The following ZNF675 variants were observed in gnomAD, a reference collection of about 807,000 sequenced individuals.
The protein encoded by ZNF675 is TRAF6 inhibitory zinc finger.
Under a neutral mutation model 56.1 loss-of-function variants are expected in ZNF675, and 36 were observed. That is an observed-to-expected ratio of 0.64 (90% confidence interval 0.49 to 0.85). The LOEUF is 0.85. Among genes scored for constraint, ZNF675 ranks in the 40% least tolerant of loss-of-function variants. The pLI is 0.00. For synonymous variants in ZNF675, 200 were observed against 218.9 expected, an observed-to-expected ratio of 0.91 and a Z score of 0.76; for missense variants, 663 against 654.2, an observed-to-expected ratio of 1.01 and a Z score of -0.15.
At chr19:23,673,373 C>T (rs950332314) in intron 1 of ZNF675, among the ~76,000 whole-genome samples, 1 of 152,142 alleles carries the variant, frequency 6.6e-6, no homozygotes, top group Non-Finnish European at 1.5e-5. Context: ...AGTTTCAGGT[C>T]TGAAGATACA....
chr19:23,667,675 C>T (rs1023531980), intron 1 of ZNF675, among the ~76,000 whole-genome samples: 2 of 148,530 alleles, frequency 1.3e-5, no homozygotes, highest in African/African-American at 5.0e-5. Flanking sequence ...TACAGAGTGT[C>T]AATTGGTGCA....
At chr19:23,656,062 C>T (rs888405503) in intron 3 of ZNF675, 2 of 65,538 alleles carry the variant, frequency 3.1e-5, no homozygotes, top group Non-Finnish European at 7.0e-5. Context: ...TGCACTCCAG[C>T]CTGAGTGACA....
At chr19:23,678,559 A>T (rs1968331864) in intron 1 of ZNF675, among the ~76,000 whole-genome samples, 1 of 96,176 alleles carries the variant, frequency 1.0e-5, no homozygotes, top group South Asian at 4.8e-4. Flanking sequence ...CCTCAAAAAT[A>T]TTCTTAACTT....
intron 1 of ZNF675, among the ~76,000 whole-genome samples, chr19:23,681,822 T>C (rs1269818735): frequency 7.3e-5 from 11 of 151,572 alleles, no homozygotes; most frequent in Non-Finnish European, 2.9e-5. Flanking sequence ...TGTAGTTATC[T>C]TTACCAGTTT....
intron 1 of ZNF675, among the ~76,000 whole-genome samples, chr19:23,666,935 A>G (rs1447993501): frequency 2.0e-5 from 3 of 151,850 alleles, no homozygotes; most frequent in Admixed American, 6.6e-5. Context: ...TCTGAGTCCT[A>G]TTGTTTTTGT....
At chr19:23,676,140 T>C (rs1968291691) in intron 1 of ZNF675, among the ~76,000 whole-genome samples, 1 of 151,474 alleles carries the variant, frequency 6.6e-6, no homozygotes, top group African/African-American at 2.4e-5. Flanking sequence ...ACCTCCTCCC[T>C]AGACTGAACA....
chr19:23,683,634 C>A (rs1568297010), intron 1 of ZNF675, among the ~76,000 whole-genome samples: 1 of 152,070 alleles, frequency 6.6e-6, no homozygotes, highest in Non-Finnish European at 1.5e-5. Flanking sequence ...ATTGACCAGA[C>A]TGGTCCTGAA....
intron 1 of ZNF675, among the ~76,000 whole-genome samples, chr19:23,676,774 T>C (rs1183213161): frequency 6.6e-6 from 1 of 151,728 alleles, no homozygotes; most frequent in Non-Finnish European, 1.5e-5. Context: ...ATTTTTTTTC[T>C]TGAAAACTGG....
At chr19:23,677,303 T>C (rs2144794124) in intron 1 of ZNF675, among the ~76,000 whole-genome samples, 1 of 151,756 alleles carries the variant, frequency 6.6e-6, no homozygotes, top group East Asian at 1.9e-4. Flanking sequence ...AGCAGAAAAG[T>C]TCTGTAAGCT....
intron 1 of ZNF675, among the ~76,000 whole-genome samples, chr19:23,668,896 G>A (rs371269375): frequency 8.5e-5 from 13 of 152,168 alleles, no homozygotes; most frequent in African/African-American, 1.2e-4. Flanking sequence ...CCCGGTTCCC[G>A]CTCGCGCCTC....
At chr19:23,677,413 A>G (rs1968312095) in intron 1 of ZNF675, among the ~76,000 whole-genome samples, 1 of 151,644 alleles carries the variant, frequency 6.6e-6, no homozygotes, top group Non-Finnish European at 1.5e-5. Flanking sequence ...CCAAATTAAT[A>G]ATACAATCCT....
At position 23,658,940 on chromosome 19, in the gene ZNF675, GAT is replaced by G. The variant is rs2072361683; in HGVS notation, c.226+3172_226+3173del. On this transcript the variant is annotated intron_variant, in intron 3 of 3. Transcript: ENST00000359788. ...ATAGATCTATAGATACCGATCTATA[GAT>G]ATAGATCTCTAGAGATCTATAGATA... is the stretch of plus-strand genomic sequence containing the variant. Among the ~76,000 whole-genome samples the G allele has an allele frequency of 3.1e-4, 11 of 35,524 alleles. No homozygotes were observed. In the South Asian group the frequency reaches 0.013, roughly 42 times the overall value. 23.3% of individuals were successfully genotyped at this position (35,524 alleles called of 152,430 possible).
In ZNF675 at chr19:23,659,919, T is replaced by C. The variant is rs116870303; in HGVS notation, c.226+2195A>G. ...TTCCAGCTCGCTGAGCCACAGTTTA[T>C]GGTCAGTTCTGCCTATACAGAAACC... is the stretch of plus-strand genomic sequence containing the variant. On this transcript the variant is annotated intron_variant, in intron 3 of 3. Transcript: ENST00000359788. Among the ~76,000 whole-genome samples, 137 of 152,288 alleles carry C rather than the reference T, an allele frequency of 9.0e-4. 1 individual carries two copies. The East Asian group carries it at 0.025, about 28-fold the overall frequency.
chr19:23,665,843 T>C (rs7249457), intron 1 of ZNF675, among the ~76,000 whole-genome samples: 147,934 of 152,282 alleles, frequency 0.97, 72,019 homozygotes, highest in Middle Eastern at 1. Flanking sequence ...ATCAATTGCT[T>C]TTCTGGGGCT....
In ZNF675 at chr19:23,662,118, G is replaced by A. The variant is rs1968086756; in HGVS notation, c.222C>T (p.Pro74=). 2.5e-6 allele frequency: 4 copies of A among 1,611,788 alleles called. No individual in the cohort carries two copies. Among genetic ancestry groups the A allele is most frequent in the African/African-American group, 1.3e-5 (1 of 74,910 alleles). Residue 74 remains proline (P), a synonymous_variant, in exon 3 of 4, where the codon CCC becomes CCT. Coordinates refer to ENST00000359788, the MANE Select transcript of ZNF675 (RefSeq NM_138330.3). Reference sequence around the variant, plus strand: ...TTCACTTTCATTCTCACTTACCTGGGGGTTCATTCACCATCTCATGTCTCT... The same window carrying A: ...TTCACTTTCATTCTCACTTACCTGGAGGTTCATTCACCATCTCATGTCTCT... ...TVKRHEMVNE[P]PVMCSHFAQE...
chr19:23,667,977 G>A (rs1968176339), intron 1 of ZNF675, among the ~76,000 whole-genome samples: 1 of 151,250 alleles, frequency 6.6e-6, no homozygotes, highest in Non-Finnish European at 1.5e-5. Flanking sequence ...CACCAGAGCA[G>A]CTAGACACAG....
chr19:23,665,343 C>A (rs201492025), intron 1 of ZNF675, among the ~76,000 whole-genome samples: 58 of 145,750 alleles, frequency 4.0e-4, no homozygotes, highest in South Asian at 4.4e-4. Flanking sequence ...GACCCCACCT[C>A]AAAAAAAAAA....
intron 1 of ZNF675, among the ~76,000 whole-genome samples, chr19:23,666,268 T>G (rs1968149498): frequency 6.6e-6 from 1 of 152,262 alleles, no homozygotes; most frequent in African/African-American, 2.4e-5. Flanking sequence ...TCTATTTGAA[T>G]AAAAGTGACA....
intron 3 of ZNF675, among the ~76,000 whole-genome samples, chr19:23,658,832 GATATATAGAT>G (rs1968027003): frequency 2.8e-5 from 4 of 142,724 alleles, no homozygotes; most frequent in African/African-American, 1.1e-4. Flanking sequence ...TATCTCTATA[GATATATAGAT>G]ATATCTATAT....
Sources: allele counts gnomAD v4.1 joint callset (sites outside exome capture counted in the v4.1 genomes callset), GRCh38; gene constraint gnomAD v4.1.1; transcripts MANE v1.5; gene names NCBI Gene and HGNC (gene_info 2026-07-23, HGNC 2026-07-21).